Variants in HECW1 observed in about 807,000 individuals in gnomAD.
HECW1 encodes E3 ubiquitin-protein ligase HECW1.
Under a neutral mutation model 182.3 loss-of-function variants are expected in HECW1, and 61 were observed. The ratio of observed to expected loss-of-function variants is 0.33; its 90% CI spans 0.27 to 0.41. The LOEUF (loss-of-function observed/expected upper bound fraction) is 0.41, where lower values mean the gene tolerates loss of function less well. Among genes scored for constraint, HECW1 ranks in the 10% least tolerant of loss-of-function variants. HECW1 has a pLI of 1.00. For synonymous variants in HECW1, 859 were observed against 832.6 expected (o/e 1.03, Z -0.55); for missense variants, 1,739 against 2,108.9 (o/e 0.82, Z 3.44).
rs187869343 is a variant in HECW1 at position 43,563,059 on chromosome 7, G to A, written c.*1133G>A. On this transcript the variant is annotated 3_prime_UTR_variant, in exon 30 of 30. Coordinates refer to ENST00000395891, the MANE Select transcript of HECW1 (RefSeq NM_015052.5). ...ATGGAGTTCAAGTTCCTTTGCATTC[G>A]ATTGTCCATCGGGACCACACTAGGA... 3.5e-5 allele frequency: 7 copies of A among 198,772 alleles called. No individual in the cohort carries two copies. Among genetic ancestry groups the A allele is most frequent in the Non-Finnish European group, 7.2e-5 (7 of 97,284 alleles). The allele number at this position is 198,772 out of a possible 1,614,324, so 12.3% of individuals were successfully genotyped here.
intron 6 of HECW1, among the ~76,000 whole-genome samples, chr7:43,391,306 G>T (rs2075020625): frequency 6.6e-6 from 1 of 152,144 alleles, no homozygotes; most frequent in African/African-American, 2.4e-5. Flanking sequence ...TCTCCCTGTA[G>T]CTGGTTATAG....
intron 26 of HECW1, among the ~76,000 whole-genome samples, chr7:43,546,663 A>G (rs2081578281): frequency 6.6e-6 from 1 of 151,844 alleles, no homozygotes; most frequent in African/African-American, 2.4e-5. Context: ...CCTTTCTGGC[A>G]AGGTACTTCC....
At chr7:43,430,250 AC>A (rs1263397862) in intron 8 of HECW1, among the ~76,000 whole-genome samples, 1 of 152,100 alleles carries the variant, frequency 6.6e-6, no homozygotes, top group African/African-American at 2.4e-5. Context: ...TTGTAGCATC[AC>A]CCTCACATCC....
intron 8 of HECW1, among the ~76,000 whole-genome samples, chr7:43,436,335 C>T (rs2076711685): frequency 6.6e-6 from 1 of 152,136 alleles, no homozygotes; most frequent in Admixed American, 6.6e-5. Flanking sequence ...CAACATTTAC[C>T]TTCCCGAGTC....
chr7:43,287,184 A>G (rs912537003), intron 3 of HECW1, among the ~76,000 whole-genome samples: 4 of 152,192 alleles, frequency 2.6e-5, no homozygotes, highest in African/African-American at 9.7e-5. Context: ...GAAATAATAC[A>G]GGGAATAGGG....
chr7:43,556,815 G>T (rs2082042700), intron 29 of HECW1, among the ~76,000 whole-genome samples: 1 of 152,002 alleles, frequency 6.6e-6, no homozygotes, highest in East Asian at 1.9e-4. Context: ...TTCCATATTT[G>T]CTTTGGAAGC....
chr7:43,274,633 G>A (rs747863809), intron 3 of HECW1: 1 of 362,556 alleles, frequency 2.8e-6, no homozygotes, highest in East Asian at 7.9e-5. Context: ...GGAACGCCCC[G>A]GGGGAGGGAG....
chr7:43,399,466 T>C (rs1447544632), intron 7 of HECW1, among the ~76,000 whole-genome samples: 1 of 152,208 alleles, frequency 6.6e-6, no homozygotes, highest in East Asian at 1.9e-4. Flanking sequence ...AAACCAGGAA[T>C]ACTGCACAAC....
chr7:43,433,938 CTT>C (rs926179042), intron 8 of HECW1, among the ~76,000 whole-genome samples: 3 of 152,160 alleles, frequency 2.0e-5, no homozygotes, highest in African/African-American at 7.2e-5. Context: ...CCAGGATTGG[CTT>C]TGTCATTTCC....
chr7:43,419,909 T>C (rs2076128022), intron 8 of HECW1, among the ~76,000 whole-genome samples: 2 of 152,226 alleles, frequency 1.3e-5, no homozygotes, highest in African/African-American at 4.8e-5. Context: ...CAGTTTCCAA[T>C]GGCTGGCACA....
chr7:43,274,757 C>T (rs558415118), intron 3 of HECW1, among the ~76,000 whole-genome samples: 2 of 152,206 alleles, frequency 1.3e-5, no homozygotes, highest in South Asian at 4.2e-4. Context: ...TATTGAGCAC[C>T]TATGGTGTAC....
At chr7:43,551,482 T>C (rs2081825039) in intron 27 of HECW1, among the ~76,000 whole-genome samples, 1 of 152,108 alleles carries the variant, frequency 6.6e-6, no homozygotes, top group Admixed American at 6.5e-5. Flanking sequence ...CATAATTGCA[T>C]GTGAAAGGTT....
In HECW1 at chr7:43,343,029, GAA is replaced by G. The variant is rs201436117; in HGVS notation, c.461-17847_461-17846del. On this transcript the variant is annotated intron_variant, in intron 5 of 29. Coordinates refer to ENST00000395891, the MANE Select transcript of HECW1 (RefSeq NM_015052.5). Reference sequence around the variant, plus strand: ...GACAGAGCAAGACTCCATCTCAAAAGAAAAAAAAAAATGTTTCTACGTAGATA... The same window carrying G: ...GACAGAGCAAGACTCCATCTCAAAAGAAAAAAAAATGTTTCTACGTAGATA... 4.8e-5 allele frequency among the ~76,000 whole-genome samples: 7 copies of G among 146,912 alleles called. No homozygotes were observed. The South Asian group carries it at 8.5e-4, about 18-fold the overall frequency.
intron 2 of HECW1, among the ~76,000 whole-genome samples, chr7:43,168,054 C>T (rs6463169): frequency 0.79 from 119,724 of 152,142 alleles, 47,236 homozygotes; most frequent in Non-Finnish European, 0.81. Flanking sequence ...CCGTGGTGTA[C>T]GCTTCCTTTC....
intron 3 of HECW1, chr7:43,249,038 A>T (rs1799752572): frequency 6.6e-6 from 1 of 152,332 alleles, no homozygotes; most frequent in African/African-American, 2.4e-5. Context: ...GGCAGGGTCG[A>T]GGAGCTCCCG....
chr7:43,496,785 G>A lies in HECW1; in HGVS notation c.3437+3605G>A, dbSNP rs7786169. 5.5e-3 allele frequency among the ~76,000 whole-genome samples: 838 copies of A among 152,266 alleles called. 6 individuals are homozygous for A. The highest frequency in any genetic ancestry group is 0.019 in the African/African-American group (805 of 41,556). ...AGCAGTGACTTGCGGTGAAAAGCAG[G>A]AAGCCACATGTAGAGAAGGGGATGG... On this transcript the variant is annotated intron_variant, in intron 19 of 29. Coordinates refer to ENST00000395891, the MANE Select transcript of HECW1 (RefSeq NM_015052.5).
At chr7:43,465,083 C>T (rs11971577) in intron 14 of HECW1, among the ~76,000 whole-genome samples, 13 of 152,070 alleles carry the variant, frequency 8.5e-5, no homozygotes, top group Non-Finnish European at 1.5e-4. Flanking sequence ...ATTACAGGCA[C>T]GAGACATCAC....
intron 26 of HECW1, 94 bp from the exon 27 acceptor site, chr7:43,550,351 T>C: frequency 7.3e-7 from 1 of 1,371,442 alleles, no homozygotes; most frequent in Non-Finnish European, 1.0e-6. Flanking sequence ...CTGTAGAGGA[T>C]TTTTGGCATA....
Position 43,432,900 on chromosome 7 carries a change from A to C in HECW1, c.802-5103A>C, listed in dbSNP as rs2076597218. Among the ~76,000 whole-genome samples the C allele has an allele frequency of 6.6e-6, 1 of 152,244 alleles. No homozygotes were observed. The highest frequency in any genetic ancestry group is 6.5e-5 in the Admixed American group (1 of 15,294). ...TTCTGAAGCAAGATGGAATATAATA[A>C]GCATCTTAGTTCTATAAATGGCCTA... On this transcript the variant is annotated intron_variant, in intron 8 of 29. Coordinates refer to ENST00000395891, the MANE Select transcript of HECW1 (RefSeq NM_015052.5). The surrounding 1 kb of genome is among the most constrained non-coding windows in gnomAD (Gnocchi z 4.1).
Sources: allele counts gnomAD v4.1 joint callset (sites outside exome capture counted in the v4.1 genomes callset), GRCh38; gene constraint gnomAD v4.1.1; non-coding constraint Gnocchi (gnomAD v3.1); transcripts MANE v1.5; gene names NCBI Gene and HGNC (gene_info 2026-07-23, HGNC 2026-07-21).